Variants in NSUN6 observed in about 807,000 individuals in gnomAD.
NSUN6 encodes tRNA (cytosine(72)-C(5))-methyltransferase NSUN6.
In NSUN6, 64 loss-of-function variants were observed where a neutral mutation model predicts 58.0. The ratio of observed to expected loss-of-function variants is 1.10; its 90% CI spans 0.90 to 1.36. The LOEUF is 1.36. NSUN6 is among the 40% of genes most tolerant of loss of function. NSUN6 has a pLI of 0.00. For synonymous variants in NSUN6, 231 were observed against 193.9 expected (o/e 1.19, Z -1.59); for missense variants, 701 against 550.1 (o/e 1.27, Z -2.74).
At chr10:18,579,311 T>C (rs1055658821) in intron 8 of NSUN6, among the ~76,000 whole-genome samples, 13 of 152,142 alleles carry the variant, frequency 8.5e-5, no homozygotes, top group Admixed American at 2.0e-4. Context: ...GCTGGGACTA[T>C]AGGCGCCCGC....
intron 3 of NSUN6, among the ~76,000 whole-genome samples, chr10:18,617,623 A>C (rs528593997): frequency 6.6e-6 from 1 of 151,954 alleles, no homozygotes; most frequent in Non-Finnish European, 1.5e-5. Context: ...CAGGATCCCA[A>C]ATCTTTTCAT....
chr10:18,554,246 T>C (rs2133434311), intron 8 of NSUN6, among the ~76,000 whole-genome samples: 1 of 140,034 alleles, frequency 7.1e-6, no homozygotes, highest in African/African-American at 2.7e-5. Flanking sequence ...TGGAAGGGAA[T>C]GGAAAGGAGA....
rs900596942 is a variant in NSUN6 at position 18,616,302 on chromosome 10, G to C, written c.312-9C>G. 1.3e-6 allele frequency: 2 copies of C among 1,546,464 alleles called. No individual in the cohort carries two copies. Among genetic ancestry groups the C allele is most frequent in the Non-Finnish European group, 1.8e-6 (2 of 1,119,146 alleles). On this transcript the variant is annotated splice_polypyrimidine_tract_variant and intron_variant, in intron 3 of 10. Coordinates refer to ENST00000377304, the MANE Select transcript of NSUN6 (RefSeq NM_182543.5). ...GTTTTTTAATATTCTTTCTAGAAAT[G>C]TAAGACACAAGAAGTTTAATAGTAA... is the stretch of plus-strand genomic sequence containing the variant.
At chr10:18,604,220 G>A (rs1226639508) in intron 6 of NSUN6, among the ~76,000 whole-genome samples, 1 of 152,128 alleles carries the variant, frequency 6.6e-6, no homozygotes, top group African/African-American at 2.4e-5. Flanking sequence ...ACTTACAAGT[G>A]ATAGATGACA....
intron 8 of NSUN6, among the ~76,000 whole-genome samples, chr10:18,553,832 T>G (rs1250222106): frequency 6.8e-6 from 1 of 146,256 alleles, no homozygotes; most frequent in South Asian, 2.2e-4. Flanking sequence ...TAGAGTAGAA[T>G]AGAATAGAAT....
chr10:18,637,696 T>A (rs563374899), intron 3 of NSUN6, among the ~76,000 whole-genome samples: 19 of 152,038 alleles, frequency 1.2e-4, no homozygotes, highest in Non-Finnish European at 2.2e-4. Flanking sequence ...CCGGTAATAA[T>A]GAAAAACAGG....
At chr10:18,593,409 T>C (rs2057453619) in intron 7 of NSUN6, among the ~76,000 whole-genome samples, 1 of 149,456 alleles carries the variant, frequency 6.7e-6, no homozygotes, top group African/African-American at 2.4e-5. Flanking sequence ...TATGCACACA[T>C]ATGTTTACTG....
At chr10:18,583,030 A>G (rs1465755051) in intron 8 of NSUN6, among the ~76,000 whole-genome samples, 1 of 152,204 alleles carries the variant, frequency 6.6e-6, no homozygotes, top group Non-Finnish European at 1.5e-5. Flanking sequence ...GCAGGAGCCA[A>G]GAAGTCTGGA....
rs776937584 is a variant in NSUN6, at chr10:18,651,199, G to A, written c.5C>T (p.Ser2Phe). Residue 2 changes from serine to phenylalanine, a missense_variant, in exon 1 of 11, where the codon TCT (serine) becomes TTT (phenylalanine). Physicochemically the swap from Ser to Phe is radical, Grantham distance 155 (BLOSUM62 -2). Coordinates refer to ENST00000377304, the MANE Select transcript of NSUN6 (RefSeq NM_182543.5). MSIFPKISLRPE... is the reference protein window; with the variant it reads MFIFPKISLRPE... ...TCTCAAAGATATCTTAGGGAAAATA[G>A]ACATTTTTCCTGTTGTTTAGTTCTC... 2 of 1,561,682 alleles carry A rather than the reference G, an allele frequency of 1.3e-6. No individual in the cohort carries two copies. Among genetic ancestry groups the A allele is most frequent in the Admixed American group, 4.4e-5 (2 of 45,634 alleles).
upstream of NSUN6, among the ~76,000 whole-genome samples, chr10:18,658,994 C>G (rs2059808736): frequency 6.6e-6 from 1 of 152,246 alleles, no homozygotes; most frequent in Non-Finnish European, 1.5e-5. Flanking sequence ...AAGAAACACT[C>G]TTCACTTCTG....
chr10:18,619,508 C>T (rs1053987585), intron 3 of NSUN6, among the ~76,000 whole-genome samples: 3 of 152,096 alleles, frequency 2.0e-5, no homozygotes, highest in African/African-American at 7.2e-5. Flanking sequence ...CCTTCAACCC[C>T]CCAATAATAA....
intron 9 of NSUN6, 59 bp downstream of exon 9, chr10:18,551,764 G>C (rs1467580556): frequency 2.0e-6 from 3 of 1,483,296 alleles, no homozygotes; most frequent in Non-Finnish European, 1.9e-6. Context: ...GCTGTCAGTA[G>C]TTTAAACATC....
rs759801059 is a variant in NSUN6 at position 18,640,858 on chromosome 10, T to TA, written c.311+1617dup. Among the ~76,000 whole-genome samples the TA allele has an allele frequency of 7.3e-3, 994 of 135,548 alleles. 8 individuals are homozygous for TA. Among genetic ancestry groups the TA allele is most frequent in the African/African-American group, 0.017 (630 of 37,122 alleles). The allele number at this position is 135,548 out of a possible 152,430, so 88.9% of individuals were successfully genotyped here. A position where few individuals can be genotyped will look rare whatever the true frequency, so the allele number is the denominator to read the frequency against. ...TAATTGCAAAAATACATTCTTATAGTAAAAAAAAAAAAAACAAAAATATTA... is the reference window on the plus strand; with the variant it reads ...TAATTGCAAAAATACATTCTTATAGTAAAAAAAAAAAAAAACAAAAATATTA... On this transcript the variant is annotated intron_variant, in intron 3 of 10. Transcript: ENST00000377304.
intron 5 of NSUN6, among the ~76,000 whole-genome samples, chr10:18,612,998 CAG>C (rs1399932142): frequency 6.6e-6 from 1 of 152,136 alleles, no homozygotes; most frequent in Non-Finnish European, 1.5e-5. Context: ...AAATAAGAAA[CAG>C]GGTGTACATG....
chr10:18,603,649 G>T (rs1447769644), intron 6 of NSUN6, among the ~76,000 whole-genome samples: 3 of 151,690 alleles, frequency 2.0e-5, no homozygotes, highest in Non-Finnish European at 4.4e-5. Flanking sequence ...TTGTGTGTGT[G>T]TATTTTTAGT....
intron 7 of NSUN6, among the ~76,000 whole-genome samples, chr10:18,588,688 C>A (rs963429100): frequency 6.6e-6 from 1 of 152,174 alleles, no homozygotes; most frequent in Non-Finnish European, 1.5e-5. Flanking sequence ...GAAGAGAGGC[C>A]TGTTAGAAGA....
chr10:18,566,392 T>G (rs2055947076), intron 8 of NSUN6, among the ~76,000 whole-genome samples: 1 of 150,368 alleles, frequency 6.7e-6, no homozygotes, highest in Non-Finnish European at 1.5e-5. Context: ...TCCATTCCAT[T>G]CTCCATTCTT....
At chr10:18,602,685 A>T (rs2057894346) in intron 6 of NSUN6, among the ~76,000 whole-genome samples, 1 of 152,092 alleles carries the variant, frequency 6.6e-6, no homozygotes, top group Non-Finnish European at 1.5e-5. Context: ...TGGGTTTTGC[A>T]TACTCACGGG....
At chr10:18,587,867 A>G (rs2057227680) in intron 7 of NSUN6, among the ~76,000 whole-genome samples, 1 of 151,566 alleles carries the variant, frequency 6.6e-6, no homozygotes, top group Non-Finnish European at 1.5e-5. Flanking sequence ...GCAGGCACCG[A>G]GCTAGCTGTA....
Sources: gnomAD v4.1 joint callset for allele counts (sites outside exome capture counted in the v4.1 genomes callset) on GRCh38, gnomAD v4.1.1 for gene constraint, MANE v1.5 for transcripts, NCBI Gene and HGNC (gene_info 2026-07-23, HGNC 2026-07-21) for gene names.